TPP2: variants seen among roughly 807,000 people sequenced by gnomAD.
TPP2 encodes the protein tripeptidyl peptidase 2.
In TPP2, 34 loss-of-function variants were observed where a neutral mutation model predicts 155.9. That is an observed-to-expected ratio of 0.22 (90% CI 0.17 to 0.29). The LOEUF (loss-of-function observed/expected upper bound fraction) is 0.29, where lower values mean the gene tolerates loss of function less well. Ranked by LOEUF, TPP2 falls within the 10% of genes least tolerant of loss-of-function variation. The pLI is 1.00. For missense variants in TPP2, 1,028 were observed against 1,522.3 expected, an observed-to-expected ratio of 0.68 and a Z score of 5.40; for synonymous variants, 510 against 529.4, an observed-to-expected ratio of 0.96 and a Z score of 0.50.
Position 102,648,971 on chromosome 13 carries a change from G to C in TPP2, c.2693G>C (p.Ser898Thr). 1 of 1,613,726 alleles carries C rather than the reference G, an allele frequency of 6.2e-7. No homozygotes were observed. The highest frequency in any genetic ancestry group is 8.5e-7 in the Non-Finnish European group (1 of 1,179,888). The change falls in exon 22 of 30, where the codon AGT becomes ACT. Residue 898 changes from serine (S) to threonine (T), a missense_variant. Around this residue, in one of 7 missense-constraint regions of TPP2, gnomAD observed 179 missense variants for 274.7 expected, o/e 0.65. Coordinates refer to ENST00000376052, the MANE Select transcript of TPP2 (RefSeq NM_001330588.2). The stretch of plus-strand genomic sequence containing the variant: ...CTACAGATTCGCCATGAGCAAATCA[G>C]TGATTTGGAACGCCTTAAAGACCTT... ...IRLQIRHEQI[S>T]DLERLKDLPF...
At position 102,597,313 on chromosome 13, in the gene TPP2, C is replaced by T. The variant is rs1033690231; in HGVS notation, c.165+110C>T. On this transcript the variant is annotated intron_variant, in intron 1 of 29. Transcript: ENST00000376052. ...CAAAGCCCCGCTCTGCGGCCGAGTC[C>T]GGGCCGGGGTGGGCAGCACCGGGGT... 3.0e-5 allele frequency: 19 copies of T among 633,154 alleles called. No individual in the cohort carries two copies. In the African/African-American group the frequency reaches 3.4e-4, roughly 11 times the overall value. 39.2% of individuals were successfully genotyped at this position (633,154 alleles called of 1,614,324 possible).
At chr13:102,672,244 C>T (rs1030608270) in intron 27 of TPP2, among the ~76,000 whole-genome samples, 1 of 152,122 alleles carries the variant, frequency 6.6e-6, no homozygotes, top group Admixed American at 6.5e-5. Flanking sequence ...GTGATGCTCG[C>T]ATTTATTTAG....
intron 27 of TPP2, among the ~76,000 whole-genome samples, chr13:102,673,678 C>CTTGA (rs1461082368): frequency 6.6e-6 from 1 of 152,196 alleles, no homozygotes; most frequent in African/African-American, 2.4e-5. Context: ...CTGGATCTGC[C>CTTGA]ACTTCCTAAC....
intron 14 of TPP2, among the ~76,000 whole-genome samples, chr13:102,637,805 C>T (rs1444833100): frequency 1.3e-5 from 2 of 152,168 alleles, no homozygotes; most frequent in Admixed American, 6.5e-5. Context: ...CCTGCCTTGG[C>T]CTCCCAGGGC....
chr13:102,672,438 G>A (rs1335430570), intron 27 of TPP2, among the ~76,000 whole-genome samples: 1 of 152,130 alleles, frequency 6.6e-6, no homozygotes, highest in Non-Finnish European at 1.5e-5. Flanking sequence ...TTGCTCTCAG[G>A]CTCCGGATAA....
rs202050215 is a variant in TPP2, at chr13:102,596,998, G to C, written c.-41G>C. The C allele has an allele frequency of 5.6e-6, 9 of 1,600,108 alleles. No individual in the cohort carries two copies. The African/African-American group carries it at 6.8e-5, about 12-fold the overall frequency. On this transcript the variant is annotated 5_prime_UTR_variant, in exon 1 of 30. Transcript: ENST00000376052. ...TCCTCGCGCTGCTAGTCCGCGCGCA[G>C]CCTGGCAGTTTGCCGCTTCCTCGTC...
At chr13:102,632,658 C>T (rs995670603) in intron 10 of TPP2, among the ~76,000 whole-genome samples, 5 of 152,128 alleles carry the variant, frequency 3.3e-5, no homozygotes, top group Non-Finnish European at 7.3e-5. Flanking sequence ...TGACTCTTTC[C>T]AGTTATTTTT....
intron 24 of TPP2, among the ~76,000 whole-genome samples, chr13:102,655,955 T>A (rs1408007391): frequency 6.6e-6 from 1 of 152,248 alleles, no homozygotes; most frequent in Admixed American, 6.5e-5. Flanking sequence ...ACTGACCTTA[T>A]TCATCCACAT....
intron 14 of TPP2, 135 bp from the exon 15 acceptor site, chr13:102,638,104 A>G (rs1882504270): frequency 1.4e-6 from 1 of 740,610 alleles, no homozygotes; most frequent in South Asian, 1.7e-5. Context: ...ACCTAGTGTC[A>G]GGAAATTGGT....
At chr13:102,637,541 C>CTTCTTGTTG (rs373176056) in intron 14 of TPP2, among the ~76,000 whole-genome samples, 3 of 150,976 alleles carry the variant, frequency 2.0e-5, no homozygotes, top group Middle Eastern at 3.2e-3. Flanking sequence ...GCTGCAGTTG[C>CTTCTTGTTG]TTGTTGTTGT....
At chr13:102,673,545 C>T (rs72651391) in intron 27 of TPP2, among the ~76,000 whole-genome samples, 1,549 of 152,144 alleles carry the variant, frequency 0.01, 33 homozygotes, top group Non-Finnish European at 9.5e-3. Context: ...CATTCTGTGC[C>T]GGGCATTGTC....
intron 24 of TPP2, chr13:102,654,917 C>G: frequency 4.2e-6 from 2 of 473,058 alleles, no homozygotes; most frequent in Non-Finnish European, 8.5e-6. Flanking sequence ...GAGTGAACCT[C>G]AAGAAGGAGA....
At chr13:102,625,143 C>G (rs1881494679) in intron 6 of TPP2, among the ~76,000 whole-genome samples, 1 of 146,578 alleles carries the variant, frequency 6.8e-6, no homozygotes, top group African/African-American at 2.5e-5. Context: ...TAGGTGTGAG[C>G]CACCACGCCC....
chr13:102,652,343 G>A (rs1475102522), intron 24 of TPP2, among the ~76,000 whole-genome samples: 1 of 149,684 alleles, frequency 6.7e-6, no homozygotes, highest in African/African-American at 2.4e-5. Context: ...TCACACCACT[G>A]CACTCCAGTC....
chr13:102,606,929 T>G (rs1431741040), intron 2 of TPP2, among the ~76,000 whole-genome samples: 2 of 152,160 alleles, frequency 1.3e-5, no homozygotes, highest in Non-Finnish European at 2.9e-5. Flanking sequence ...TATTTGAAAG[T>G]TGGGCCTTTG....
chr13:102,657,277 T>C, intron 25 of TPP2, 70 bp downstream of exon 25: 1 of 1,313,722 alleles, frequency 7.6e-7, no homozygotes, highest in Non-Finnish European at 1.0e-6. Flanking sequence ...CAATATTGTG[T>C]ATATATACAT....
chr13:102,604,000 C>A (rs954294525), intron 1 of TPP2, among the ~76,000 whole-genome samples: 1 of 152,142 alleles, frequency 6.6e-6, no homozygotes, highest in Non-Finnish European at 1.5e-5. Context: ...CTGTTAGCTT[C>A]GCTGTGAGGA....
intron 2 of TPP2, among the ~76,000 whole-genome samples, chr13:102,605,804 A>G (rs533115654): frequency 6.6e-6 from 1 of 150,706 alleles, no homozygotes; most frequent in Non-Finnish European, 1.5e-5. Flanking sequence ...GCTCACTGCA[A>G]CCTCCGCCTC....
intron 26 of TPP2, 82 bp from the exon 27 acceptor site, chr13:102,664,713 A>C (rs1303647618): frequency 1.4e-6 from 2 of 1,416,014 alleles, no homozygotes; most frequent in Non-Finnish European, 1.9e-6. Context: ...TGTAGGTCTC[A>C]TGGTTGAGAC....
Sources: gnomAD v4.1 joint callset for allele counts (sites outside exome capture counted in the v4.1 genomes callset) on GRCh38, gnomAD v4.1.1 for gene constraint, gnomAD v4.1.1 regional missense constraint, MANE v1.5 for transcripts, NCBI Gene and HGNC (gene_info 2026-07-23, HGNC 2026-07-21) for gene names.